Variants in TTC28 observed in about 807,000 individuals in gnomAD.
TTC28 encodes the protein tetratricopeptide repeat protein 28.
TTC28 carries 61 observed loss-of-function variants against 198.0 expected under a neutral mutation model. That is an observed-to-expected ratio of 0.31 (90% confidence interval 0.25 to 0.38). The LOEUF is 0.38. Among genes scored for constraint, TTC28 ranks in the 10% least tolerant of loss-of-function variants. The pLI is 1.00. For synonymous variants in TTC28, 1,171 were observed against 1,297.8 expected, an observed-to-expected ratio of 0.90 and a Z score of 2.10; for missense variants, 2,678 against 3,164.0, an observed-to-expected ratio of 0.85 and a Z score of 3.69.
chr22:28,531,158 A>T (rs1309277181), intron 2 of TTC28, among the ~76,000 whole-genome samples: 1 of 152,234 alleles, frequency 6.6e-6, no homozygotes, highest in Non-Finnish European at 1.5e-5. Flanking sequence ...TATATTCAGG[A>T]GACCCAGCTC....
intron 2 of TTC28, among the ~76,000 whole-genome samples, chr22:28,550,389 A>C (rs1401198796): frequency 4.6e-5 from 7 of 152,142 alleles, no homozygotes; most frequent in African/African-American, 1.7e-4. Flanking sequence ...CTCCTTAAAG[A>C]CAAGACTATT....
chr22:28,157,730 C>T (rs566438618), intron 6 of TTC28, among the ~76,000 whole-genome samples: 8 of 151,950 alleles, frequency 5.3e-5, no homozygotes, highest in Admixed American at 5.2e-4. Context: ...TTCATAAAAA[C>T]GCTCAAAAAA....
chr22:28,619,529 T>C (rs190286892), intron 2 of TTC28, among the ~76,000 whole-genome samples: 7 of 152,230 alleles, frequency 4.6e-5, no homozygotes, highest in African/African-American at 1.7e-4. Context: ...TGTACATCAA[T>C]TGACATAAAT....
chr22:28,612,822 C>G (rs777750083), intron 2 of TTC28, among the ~76,000 whole-genome samples: 2 of 152,162 alleles, frequency 1.3e-5, no homozygotes, highest in Non-Finnish European at 2.9e-5. Flanking sequence ...CTCTGATACG[C>G]ATTTAAAGTA....
chr22:28,088,874 A>C (rs1941716146), intron 12 of TTC28, among the ~76,000 whole-genome samples: 1 of 152,242 alleles, frequency 6.6e-6, no homozygotes, highest in South Asian at 2.1e-4. Context: ...GACACTTCTC[A>C]GAAGAAGACA....
intron 12 of TTC28, among the ~76,000 whole-genome samples, chr22:28,077,102 G>A (rs1941194523): frequency 6.6e-6 from 1 of 152,030 alleles, no homozygotes; most frequent in Non-Finnish European, 1.5e-5. Flanking sequence ...TGGCTCATTT[G>A]TTGTTGAAAC....
At chr22:28,334,756 T>C (rs1349319984) in intron 2 of TTC28, among the ~76,000 whole-genome samples, 2 of 152,222 alleles carry the variant, frequency 1.3e-5, no homozygotes, top group Non-Finnish European at 2.9e-5. Context: ...TACCCCTTTG[T>C]CAGATGAGCA....
At chr22:28,047,690 C>T (rs2146694175) in intron 12 of TTC28, among the ~76,000 whole-genome samples, 1 of 152,312 alleles carries the variant, frequency 6.6e-6, no homozygotes, top group East Asian at 1.9e-4. Flanking sequence ...TCCCATTACT[C>T]TCAGCAGGCT....
chr22:28,446,579 T>C (rs1287253004), intron 2 of TTC28, among the ~76,000 whole-genome samples: 2 of 152,130 alleles, frequency 1.3e-5, no homozygotes, highest in African/African-American at 4.8e-5. Flanking sequence ...TCCCCCCATC[T>C]TGTTCCCGCT....
intron 13 of TTC28, among the ~76,000 whole-genome samples, chr22:28,022,949 G>A (rs915487030): frequency 9.9e-5 from 15 of 152,180 alleles, no homozygotes; most frequent in African/African-American, 2.7e-4. Context: ...AATAAGCTGC[G>A]GGCGCTTCTA....
intron 6 of TTC28, among the ~76,000 whole-genome samples, chr22:28,137,791 G>T (rs2146979432): frequency 6.6e-6 from 1 of 152,232 alleles, no homozygotes; most frequent in Non-Finnish European, 1.5e-5. Flanking sequence ...AAGGCAGGTG[G>T]ATCACCTGAG....
intron 2 of TTC28, among the ~76,000 whole-genome samples, chr22:28,587,039 T>G (rs1330469066): frequency 6.6e-6 from 1 of 152,066 alleles, no homozygotes; most frequent in African/African-American, 2.4e-5. Context: ...CTGGCCAACA[T>G]GGTGAAACCC....
chr22:28,234,933 A>T (rs940991396), intron 5 of TTC28, among the ~76,000 whole-genome samples: 4 of 152,228 alleles, frequency 2.6e-5, no homozygotes, highest in African/African-American at 9.6e-5. Flanking sequence ...CCAGCTAATG[A>T]TTACCTCCAA....
At chr22:28,531,792 C>T (rs1266757220) in intron 2 of TTC28, among the ~76,000 whole-genome samples, 1 of 152,210 alleles carries the variant, frequency 6.6e-6, no homozygotes, top group African/African-American at 2.4e-5. Flanking sequence ...AACTGAACAA[C>T]CTGCTCCTGA....
intron 2 of TTC28, among the ~76,000 whole-genome samples, chr22:28,330,084 A>T (rs533096300): frequency 1.5e-4 from 23 of 152,170 alleles, no homozygotes; most frequent in Non-Finnish European, 2.6e-4. Context: ...CAAAAACAAA[A>T]CAGCAGGGAT....
At chr22:28,352,890 A>C (rs1394403538) in intron 2 of TTC28, among the ~76,000 whole-genome samples, 2 of 152,188 alleles carry the variant, frequency 1.3e-5, no homozygotes, top group African/African-American at 2.4e-5. Context: ...TAAAGAAAGG[A>C]AGAGAGGTAA....
chr22:28,469,137 G>T (rs1290303243), intron 2 of TTC28, among the ~76,000 whole-genome samples: 1 of 152,152 alleles, frequency 6.6e-6, no homozygotes, highest in Non-Finnish European at 1.5e-5. Flanking sequence ...CTTAACCAGG[G>T]TTGGACACTT....
intron 5 of TTC28, among the ~76,000 whole-genome samples, chr22:28,242,510 T>C (rs1343918848): frequency 6.6e-6 from 1 of 152,228 alleles, no homozygotes; most frequent in Non-Finnish European, 1.5e-5. Flanking sequence ...AGTGATGCAC[T>C]CAATTTTTAC....
intron 2 of TTC28, among the ~76,000 whole-genome samples, chr22:28,572,635 A>G (rs1429326883): frequency 1.3e-5 from 2 of 152,216 alleles, no homozygotes; most frequent in African/African-American, 4.8e-5. Flanking sequence ...ACATATAGCT[A>G]GATGGCAAAA....
Sources: gnomAD v4.1 joint callset for allele counts (sites outside exome capture counted in the v4.1 genomes callset) on GRCh38, gnomAD v4.1.1 for gene constraint, MANE v1.5 for transcripts, NCBI Gene and HGNC (gene_info 2026-07-23, HGNC 2026-07-21) for gene names.